The following MIB1 variants were observed in gnomAD, a reference collection of about 807,000 sequenced individuals.
MIB1 encodes the protein MIB E3 ubiquitin protein ligase 1.
A neutral mutation model predicts 124.5 loss-of-function variants in MIB1; 278 were observed. The observed-to-expected ratio is 2.23, with a 90% CI of 2.02 to 2.47. The LOEUF is 2.47. Ranked by LOEUF, MIB1 falls within the 30% of genes most tolerant of loss-of-function variation. The pLI is 0.00. For synonymous variants in MIB1, 446 were observed against 429.4 expected, an observed-to-expected ratio of 1.04 and a Z score of -0.48; for missense variants, 957 against 1,254.4, an observed-to-expected ratio of 0.76 and a Z score of 3.58.
At chr18:21,811,042 A>C (rs2041767603) in intron 10 of MIB1, among the ~76,000 whole-genome samples, 1 of 152,128 alleles carries the variant, frequency 6.6e-6, no homozygotes, top group South Asian at 2.1e-4. Context: ...CATCAAGAAA[A>C]CCTAAAAAAC....
rs752128136 is a variant in MIB1, at chr18:21,778,061, T to G, written c.637-42T>G. 3.6e-6 allele frequency: 5 copies of G among 1,394,260 alleles called. No individual in the cohort carries two copies. In the African/African-American group the frequency reaches 7.1e-5, roughly 20 times the overall value. The allele number at this position is 1,394,260 out of a possible 1,614,324, so 86.4% of individuals were successfully genotyped here. A position where few individuals can be genotyped will look rare whatever the true frequency, so the allele number is the denominator to read the frequency against. On this transcript the variant is annotated intron_variant, in intron 4 of 20. Transcript: ENST00000261537. ...CCTGTTTCAGATACTGAGCCATATT[T>G]GAAGTTTCATGGGTGATTTTTCTGG...
chr18:21,858,388 G>A (rs529515120), intron 19 of MIB1, among the ~76,000 whole-genome samples, 158 bp from the exon 20 acceptor site: 112 of 152,292 alleles, frequency 7.4e-4, no homozygotes, highest in African/African-American at 2.5e-3. Flanking sequence ...GTAACAGAAC[G>A]TCACTACTGT....
intron 20 of MIB1, among the ~76,000 whole-genome samples, chr18:21,859,718 G>A (rs1289474633): frequency 4.0e-5 from 6 of 151,452 alleles, no homozygotes; most frequent in Admixed American, 6.6e-5. Flanking sequence ...GCAAAACCCC[G>A]TCTCTACTAA....
rs748874326 is a variant in MIB1 at position 21,768,741 on chromosome 18, C to A, written c.520C>A (p.Arg174Ser). The change falls in exon 3 of 21, where the codon CGT becomes AGT. Residue 174 changes from arginine to serine, a missense_variant. Arg to Ser is a moderately radical substitution (Grantham distance 110). Transcript: ENST00000261537. ...GGAAGATCAAGATGGAGGAAATGGA[C>A]GTAGGGGAAAGGTACAGTGTTTCTC... ...QWEDQDGGNG[R>S]RGKVTEIQDW... 10 of 1,609,968 alleles carry A rather than the reference C, an allele frequency of 6.2e-6. No homozygotes were observed. The highest frequency in any genetic ancestry group is 8.5e-6 in the Non-Finnish European group (10 of 1,177,906).
rs186680702 is a variant in MIB1, at chr18:21,843,125, G to A, written c.1963-6G>A. The A allele has an allele frequency of 7.2e-4, 1,145 of 1,597,724 alleles. 4 individuals carry two copies. Among genetic ancestry groups the A allele is most frequent in the East Asian group, 6.4e-4 (28 of 43,956 alleles). Reference sequence around the variant, plus strand: ...TAACCATTTAACATTTGTTCTTCTCGTTCAGGGTAATGCAAACCTGGATAT... The same window carrying A: ...TAACCATTTAACATTTGTTCTTCTCATTCAGGGTAATGCAAACCTGGATAT... On this transcript the variant is annotated splice_region_variant and splice_polypyrimidine_tract_variant and intron_variant, in intron 13 of 20. Coordinates refer to ENST00000261537, the MANE Select transcript of MIB1 (RefSeq NM_020774.4).
intron 4 of MIB1, among the ~76,000 whole-genome samples, chr18:21,777,088 C>G (rs1436882973): frequency 6.6e-6 from 1 of 151,736 alleles, no homozygotes; most frequent in African/African-American, 2.4e-5. Context: ...GAATAATTTC[C>G]AGGTTTTGGT....
chr18:21,732,144 G>C (rs2040773879), intron 1 of MIB1, among the ~76,000 whole-genome samples: 2 of 151,754 alleles, frequency 1.3e-5, no homozygotes, highest in Non-Finnish European at 2.9e-5. Context: ...TGGCCAACAT[G>C]GCAAAACTCT....
intron 11 of MIB1, among the ~76,000 whole-genome samples, chr18:21,817,147 A>G: frequency 7.3e-6 from 1 of 136,638 alleles, no homozygotes. Context: ...AACTTGGGTT[A>G]GGAATTCTTT....
chr18:21,741,875 C>A lies in MIB1; in HGVS notation c.229+63C>A. ...GGGGGAAGGGGCGAGCTGCGGTGGG[C>A]GTCGGTGTCGCGGGGAGAGGTCTGC... is the stretch of plus-strand genomic sequence containing the variant. On this transcript the variant is annotated intron_variant, in intron 1 of 20. Transcript: ENST00000261537. This position sits in a 1 kb window ranked among gnomAD's most constrained non-coding sequence, Gnocchi z 5.4. 10 of 1,414,332 alleles carry A rather than the reference C, an allele frequency of 7.1e-6. No homozygotes were observed. Among genetic ancestry groups the A allele is most frequent in the Non-Finnish European group, 8.5e-6 (9 of 1,053,168 alleles). 87.6% of individuals were successfully genotyped at this position (1,414,332 alleles called of 1,614,324 possible).
intron 1 of MIB1, 61 bp from the exon 2 acceptor site, chr18:21,765,702 TCCCCCAAGG>T: frequency 6.9e-7 from 1 of 1,449,680 alleles, no homozygotes; most frequent in Admixed American, 2.1e-5. Flanking sequence ...CTTATTTTTT[TCCCCCAAGG>T]AATAATATTC....
intron 12 of MIB1, among the ~76,000 whole-genome samples, chr18:21,824,866 G>A (rs114599227): frequency 6.6e-6 from 1 of 151,954 alleles, no homozygotes; most frequent in Non-Finnish European, 1.5e-5. Context: ...AAATTATACG[G>A]ATGTTAGAGT....
chr18:21,747,504 A>G (rs989279896), intron 1 of MIB1, among the ~76,000 whole-genome samples: 5 of 152,248 alleles, frequency 3.3e-5, no homozygotes, highest in Non-Finnish European at 7.3e-5. Context: ...CTATTTGTCT[A>G]CTTGAGATGC....
At chr18:21,769,924 C>T (rs551401439) in intron 3 of MIB1, among the ~76,000 whole-genome samples, 1 of 152,292 alleles carries the variant, frequency 6.6e-6, no homozygotes, top group African/African-American at 2.4e-5. Flanking sequence ...AAAATGAGGG[C>T]CAGGCATGGT....
chr18:21,803,352 ATG>A (rs2041670043), intron 9 of MIB1, among the ~76,000 whole-genome samples: 1 of 152,194 alleles, frequency 6.6e-6, no homozygotes, highest in Admixed American at 6.5e-5. Flanking sequence ...TTAGTTATAC[ATG>A]TCCACAACAT....
intron 1 of MIB1, among the ~76,000 whole-genome samples, chr18:21,747,365 G>C (rs923918233): frequency 6.6e-6 from 1 of 152,100 alleles, no homozygotes; most frequent in Non-Finnish European, 1.5e-5. Context: ...AGATCACCTG[G>C]GGACCTTTTA....
At chr18:21,832,608 A>G (rs1253001705) in intron 12 of MIB1, among the ~76,000 whole-genome samples, 3 of 152,216 alleles carry the variant, frequency 2.0e-5, no homozygotes, top group Non-Finnish European at 4.4e-5. Flanking sequence ...CTCTTAAGAA[A>G]CAAGAAAAAC....
chr18:21,750,551 T>C (rs140441750), intron 1 of MIB1, among the ~76,000 whole-genome samples: 3,896 of 152,264 alleles, frequency 0.026, 179 homozygotes, highest in African/African-American at 0.087. Flanking sequence ...ATGGTCTCCA[T>C]CTCCTGATCT....
chr18:21,838,386 T>C lies in MIB1; in HGVS notation c.1851T>C (p.Ser617=), dbSNP rs1208623364. The change falls in exon 13 of 21, where the codon TCT becomes TCC. Residue 617 remains serine (S), a synonymous_variant. Coordinates refer to ENST00000261537, the MANE Select transcript of MIB1 (RefSeq NM_020774.4). ...GNPSAMRVLL[S]KLPRPWIVDE... is the part of the protein sequence containing the mutation. ...TCAGTGCAATGCGTGTTTTACTATC[T>C]AAATTACCAAGACCATGGATTGTGG... The C allele has an allele frequency of 6.2e-7, 1 of 1,600,904 alleles. No homozygotes were observed. Among genetic ancestry groups the C allele is most frequent in the African/African-American group, 1.3e-5 (1 of 74,466 alleles).
At chr18:21,811,525 A>G (rs1339323775) in intron 10 of MIB1, among the ~76,000 whole-genome samples, 1 of 152,178 alleles carries the variant, frequency 6.6e-6, no homozygotes, top group Non-Finnish European at 1.5e-5. Flanking sequence ...ATAATGGTAG[A>G]TCATTAAACT....
Sources: gnomAD v4.1 joint callset for allele counts (sites outside exome capture counted in the v4.1 genomes callset) on GRCh38, gnomAD v4.1.1 for gene constraint, Gnocchi (gnomAD v3.1) non-coding constraint, MANE v1.5 for transcripts, NCBI Gene and HGNC (gene_info 2026-07-23, HGNC 2026-07-21) for gene names.